Variants in ADGRA3 observed in about 807,000 individuals in gnomAD.
The protein encoded by ADGRA3 is adhesion G protein-coupled receptor A3.
In ADGRA3, 56 loss-of-function variants were observed where a neutral mutation model predicts 119.8. The observed-to-expected ratio is 0.47, with a 90% CI of 0.38 to 0.58. The LOEUF is 0.58. Among genes scored for constraint, ADGRA3 ranks in the 20% least tolerant of loss-of-function variants. The pLI is 0.00. For missense variants in ADGRA3, 1,516 were observed against 1,649.0 expected, an observed-to-expected ratio of 0.92 and a Z score of 1.40; for synonymous variants, 607 against 623.8, an observed-to-expected ratio of 0.97 and a Z score of 0.40.
At chr4:22,445,505 T>C (rs983202223) in intron 5 of ADGRA3, among the ~76,000 whole-genome samples, 3 of 152,186 alleles carry the variant, frequency 2.0e-5, no homozygotes, top group African/African-American at 7.2e-5. Flanking sequence ...GCATTAATAT[T>C]GAATCTTGAA....
intron 1 of ADGRA3, among the ~76,000 whole-genome samples, chr4:22,489,487 A>G (rs1414105295): frequency 6.6e-6 from 1 of 152,222 alleles, no homozygotes; most frequent in Middle Eastern, 3.2e-3. Context: ...TCCCCACAAC[A>G]AAAACATAAT....
Position 22,388,706 on chromosome 4 carries a change from C to T in ADGRA3, c.2965G>A (p.Glu989Lys). 1.2e-6 allele frequency: 2 copies of T among 1,614,056 alleles called. No individual in the cohort carries two copies. Among genetic ancestry groups the T allele is most frequent in the South Asian group, 2.2e-5 (2 of 91,076 alleles). The change falls in exon 19 of 19, where the codon GAG becomes AAG. Residue 989 changes from glutamate to lysine, a missense_variant. Glu to Lys is a moderately conservative substitution (Grantham distance 56). Transcript: ENST00000334304. ...AAGAGCTGAGAATGAAAAGTGTGCTCATTTTCCAAGGCTGATGTAGAAATC... is the reference window on the plus strand; with the variant it reads ...AAGAGCTGAGAATGAAAAGTGTGCTTATTTTCCAAGGCTGATGTAGAAATC... ...SLISTSALEN[E>K]HTFHSQLLGA...
intron 14 of ADGRA3, among the ~76,000 whole-genome samples, chr4:22,406,918 T>A (rs766750136): frequency 1.1e-4 from 17 of 151,420 alleles, no homozygotes; most frequent in African/African-American, 2.4e-5. Context: ...AAAAAAAAAA[T>A]ATTAAAAGCC....
intron 2 of ADGRA3, among the ~76,000 whole-genome samples, chr4:22,466,849 C>A (rs1717677013): frequency 6.6e-6 from 1 of 152,182 alleles, no homozygotes; most frequent in Admixed American, 6.5e-5. Flanking sequence ...AGGCTCTGCT[C>A]CACTCAGCGA....
intron 15 of ADGRA3, 70 bp downstream of exon 15, chr4:22,402,605 T>G: frequency 1.3e-6 from 2 of 1,509,114 alleles, no homozygotes; most frequent in Non-Finnish European, 1.8e-6. Flanking sequence ...AATTTTATCC[T>G]AATTAAATGT....
At chr4:22,426,866 G>A (rs1715961164) in intron 10 of ADGRA3, among the ~76,000 whole-genome samples, 2 of 152,156 alleles carry the variant, frequency 1.3e-5, no homozygotes, top group Admixed American at 6.6e-5. Context: ...TAGCATCCTA[G>A]TTCATGTTCC....
intron 1 of ADGRA3, among the ~76,000 whole-genome samples, chr4:22,510,613 C>CTCTCTCCACTATTCGTCCGATACCG (rs1261809539): frequency 2.6e-5 from 4 of 152,122 alleles, no homozygotes; most frequent in African/African-American, 9.7e-5. Flanking sequence ...GTTCCAAAAG[C>CTCTCTCCACTATTCGTCCGATACCG]TCTCTCCACT....
At chr4:22,509,736 C>A (rs944423525) in intron 1 of ADGRA3, among the ~76,000 whole-genome samples, 1 of 151,482 alleles carries the variant, frequency 6.6e-6, no homozygotes, top group Non-Finnish European at 1.5e-5. Flanking sequence ...CTTGGCCGGG[C>A]GCGGTGGCTC....
intron 8 of ADGRA3, 110 bp downstream of exon 8, chr4:22,438,146 G>A (rs1390620277): frequency 7.8e-6 from 6 of 766,396 alleles, no homozygotes; most frequent in African/African-American, 6.8e-5. Flanking sequence ...CCTCAGACAT[G>A]TGCAGTTCTC....
intron 18 of ADGRA3, 51 bp from the exon 19 acceptor site, chr4:22,388,998 A>G (rs1359796060): frequency 6.2e-7 from 1 of 1,602,344 alleles, no homozygotes; most frequent in African/African-American, 1.3e-5. Flanking sequence ...TCAACAAATT[A>G]TCTACGAAAT....
intron 7 of ADGRA3, among the ~76,000 whole-genome samples, chr4:22,440,517 A>G (rs1430245479): frequency 1.3e-5 from 2 of 152,192 alleles, no homozygotes; most frequent in African/African-American, 4.8e-5. Flanking sequence ...CAGGCTTCAC[A>G]TGAAAGATTT....
intron 14 of ADGRA3, 84 bp downstream of exon 14, chr4:22,413,098 A>C (rs1360674768): frequency 1.7e-5 from 18 of 1,081,920 alleles, no homozygotes; most frequent in African/African-American, 1.6e-5. Flanking sequence ...AAAACAAAAA[A>C]CAAAAAAACA....
chr4:22,400,858 T>C (rs998687199), intron 16 of ADGRA3, among the ~76,000 whole-genome samples: 8 of 152,130 alleles, frequency 5.3e-5, no homozygotes, highest in Non-Finnish European at 7.4e-5. Context: ...GAAAAAAATA[T>C]ACAAACAAAG....
chr4:22,406,363 G>A lies in ADGRA3; in HGVS notation c.2233-3564C>T, dbSNP rs182472108. 3.9e-4 allele frequency among the ~76,000 whole-genome samples: 60 copies of A among 152,120 alleles called. No homozygotes were observed. The East Asian group carries it at 5.0e-3, about 13-fold the overall frequency. On this transcript the variant is annotated intron_variant, in intron 14 of 18. Transcript: ENST00000334304. ...CAGCAGTGAAATTGCTGGATCATAC[G>A]GTAGCTCTATTTTTAGTTTTTCAAG...
intron 1 of ADGRA3, among the ~76,000 whole-genome samples, chr4:22,480,253 C>A (rs978918594): frequency 2.0e-5 from 3 of 152,156 alleles, no homozygotes; most frequent in African/African-American, 7.2e-5. Flanking sequence ...GGATGTACGA[C>A]AACCTTAGTC....
intron 12 of ADGRA3, among the ~76,000 whole-genome samples, chr4:22,416,824 C>T (rs1443365343): frequency 2.0e-5 from 3 of 152,084 alleles, no homozygotes; most frequent in Admixed American, 6.6e-5. Context: ...ATCTATATTT[C>T]ACTATTTACA....
At chr4:22,445,201 G>A in intron 5 of ADGRA3, 68 bp from the exon 6 acceptor site, 1 of 1,423,784 alleles carries the variant, frequency 7.0e-7, no homozygotes, top group Non-Finnish European at 9.9e-7. Flanking sequence ...GTTTTATATT[G>A]GGTTACATTT....
chr4:22,444,822 G>T, intron 6 of ADGRA3, 151 bp downstream of exon 6: 1 of 743,830 alleles, frequency 1.3e-6, no homozygotes, highest in Non-Finnish European at 2.1e-6. Context: ...CTTAATCGTT[G>T]GCATAAACTA....
chr4:22,485,435 C>CT (rs561498551), intron 1 of ADGRA3, among the ~76,000 whole-genome samples: 2,077 of 149,986 alleles, frequency 0.014, 34 homozygotes, highest in African/African-American at 0.044. Context: ...CCATTAGATG[C>CT]TTTTTTTTTT....
Sources: gnomAD v4.1 joint callset for allele counts (sites outside exome capture counted in the v4.1 genomes callset) on GRCh38, gnomAD v4.1.1 for gene constraint, MANE v1.5 for transcripts, NCBI Gene and HGNC (gene_info 2026-07-23, HGNC 2026-07-21) for gene names.